Variants in SRPK2 observed in about 807,000 individuals in gnomAD.
SRPK2 encodes SFRS protein kinase 2.
Under a neutral mutation model 90.8 loss-of-function variants are expected in SRPK2, and 21 were observed. The ratio of observed to expected loss-of-function variants is 0.23; its 90% CI spans 0.16 to 0.33. SRPK2 has a LOEUF of 0.33. Ranked by LOEUF, SRPK2 falls within the 10% of genes least tolerant of loss-of-function variation. The pLI is 1.00. For missense variants in SRPK2, 620 were observed against 869.0 expected (o/e 0.71, Z 3.60); for synonymous variants, 288 against 311.1 (o/e 0.93, Z 0.78).
chr7:105,297,504 C>G (rs1809973293), intron 2 of SRPK2: 1 of 985,236 alleles, frequency 1.0e-6, no homozygotes, highest in Admixed American at 6.1e-5. Flanking sequence ...GTATCAACAT[C>G]CTACAGCCCA....
In SRPK2 at chr7:105,116,750, AAAGC is replaced by A. The variant is rs1329648341; in HGVS notation, c.*1084_*1087del. On this transcript the variant is annotated 3_prime_UTR_variant, in exon 16 of 16. Transcript: ENST00000393651. Reference sequence around the variant, plus strand: ...CTTCGTTTCATGGAAAGACAATGAAAAAGCTAGTAAAATTTGTTGTAGCCACACG... The same window carrying A: ...CTTCGTTTCATGGAAAGACAATGAAATAGTAAAATTTGTTGTAGCCACACG... 1 of 152,568 alleles carries A rather than the reference AAAGC, an allele frequency of 6.6e-6. No individual in the cohort carries two copies. The highest frequency in any genetic ancestry group is 1.9e-4 in the East Asian group (1 of 5,206). 9.5% of individuals were successfully genotyped at this position (152,568 alleles called of 1,614,324 possible).
intron 2 of SRPK2, among the ~76,000 whole-genome samples, chr7:105,347,121 A>G (rs79828633): frequency 4.1e-4 from 62 of 150,784 alleles, no homozygotes; most frequent in African/African-American, 1.2e-3. Flanking sequence ...TGCAGTGGGC[A>G]TGATCATGGC....
chr7:105,217,116 C>T (rs751267577), intron 2 of SRPK2, among the ~76,000 whole-genome samples: 1 of 152,180 alleles, frequency 6.6e-6, no homozygotes, highest in Non-Finnish European at 1.5e-5. Context: ...GGAGTTCCTC[C>T]CATTCCTCTC....
intron 2 of SRPK2, among the ~76,000 whole-genome samples, chr7:105,346,215 A>G (rs1302811713): frequency 1.3e-5 from 2 of 152,204 alleles, no homozygotes; most frequent in African/African-American, 4.8e-5. Flanking sequence ...CCTGGAGGTA[A>G]GTATTTCATC....
chr7:105,139,025 C>T (rs931747322), intron 11 of SRPK2, among the ~76,000 whole-genome samples: 5 of 152,136 alleles, frequency 3.3e-5, no homozygotes, highest in Non-Finnish European at 7.4e-5. Context: ...GTTTATTGTA[C>T]TATTCTTTCA....
chr7:105,356,085 G>C (rs1817752604), intron 2 of SRPK2, among the ~76,000 whole-genome samples: 1 of 152,006 alleles, frequency 6.6e-6, no homozygotes, highest in South Asian at 2.1e-4. Flanking sequence ...TCACCATCAG[G>C]ATTGAGTTTC....
intron 7 of SRPK2, among the ~76,000 whole-genome samples, chr7:105,152,031 A>AG (rs1337343583): frequency 6.6e-6 from 1 of 152,084 alleles, no homozygotes; most frequent in East Asian, 1.9e-4. Flanking sequence ...CTCAAAAAAA[A>AG]AAAAAAAAAA....
At chr7:105,375,142 TA>T (rs2132518566) in intron 2 of SRPK2, among the ~76,000 whole-genome samples, 1 of 152,310 alleles carries the variant, frequency 6.6e-6, no homozygotes, top group South Asian at 2.1e-4. Flanking sequence ...TGGCATATAA[TA>T]TTTTTAAAAC....
At chr7:105,199,363 T>G (rs771716876) in intron 3 of SRPK2, among the ~76,000 whole-genome samples, 1 of 152,118 alleles carries the variant, frequency 6.6e-6, no homozygotes, top group African/African-American at 2.4e-5. Flanking sequence ...TCTCCAGGAA[T>G]GAAGTCAATA....
At chr7:105,155,261 C>G (rs1806334666) in intron 7 of SRPK2, among the ~76,000 whole-genome samples, 1 of 151,926 alleles carries the variant, frequency 6.6e-6, no homozygotes, top group East Asian at 1.9e-4. Context: ...GGATTACAGG[C>G]GTGAGCCACT....
intron 2 of SRPK2, among the ~76,000 whole-genome samples, chr7:105,297,891 G>A (rs1205775177): frequency 2.0e-5 from 3 of 151,946 alleles, no homozygotes; most frequent in African/African-American, 4.8e-5. Context: ...ACAGGCATGC[G>A]CCACTATGCC....
At chr7:105,379,384 C>T (rs1251226923) in intron 2 of SRPK2, among the ~76,000 whole-genome samples, 1 of 152,034 alleles carries the variant, frequency 6.6e-6, no homozygotes, top group Non-Finnish European at 1.5e-5. Flanking sequence ...GTGAAGGTTA[C>T]AAGGGACTTG....
chr7:105,259,203 A>C (rs1803823496), intron 2 of SRPK2, among the ~76,000 whole-genome samples: 1 of 152,236 alleles, frequency 6.6e-6, no homozygotes, highest in Non-Finnish European at 1.5e-5. Flanking sequence ...AGGATACAAA[A>C]TCAATGTGCA....
In SRPK2 at chr7:105,223,892, T is replaced by C. The variant is rs1798397344; in HGVS notation, c.72-20107A>G. On this transcript the variant is annotated intron_variant, in intron 2 of 15. Coordinates refer to ENST00000393651, the MANE Select transcript of SRPK2 (RefSeq NM_182692.3). ...AGTTGTGTGTGAACAGATCTGTATA[T>C]GCCTCGAGTTACACAAAATAACATA... 3.3e-5 allele frequency among the ~76,000 whole-genome samples: 5 copies of C among 152,352 alleles called. 1 individual carries two copies. In the South Asian group the frequency reaches 8.3e-4, roughly 25 times the overall value.
intron 2 of SRPK2, among the ~76,000 whole-genome samples, chr7:105,278,647 C>T (rs1276122905): frequency 6.6e-6 from 1 of 151,256 alleles, no homozygotes; most frequent in Non-Finnish European, 1.5e-5. Flanking sequence ...GACTGTACCA[C>T]TGCACACCAG....
chr7:105,245,259 G>A (rs562411328), intron 2 of SRPK2, among the ~76,000 whole-genome samples: 1 of 152,292 alleles, frequency 6.6e-6, no homozygotes, highest in East Asian at 1.9e-4. Flanking sequence ...AGGTCTAGAT[G>A]GTGCTCTAGG....
chr7:105,345,063 G>A (rs1241332849), intron 2 of SRPK2, among the ~76,000 whole-genome samples: 3 of 151,948 alleles, frequency 2.0e-5, no homozygotes, highest in South Asian at 4.2e-4. Flanking sequence ...TTGAAACCAG[G>A]AGGCGGAGGT....
chr7:105,285,571 C>A (rs1482393176), intron 2 of SRPK2, among the ~76,000 whole-genome samples: 1 of 152,060 alleles, frequency 6.6e-6, no homozygotes, highest in Non-Finnish European at 1.5e-5. Flanking sequence ...GAGGTGGGGC[C>A]TGCTGGGAGG....
At chr7:105,168,799 G>T (rs1345363450) in intron 4 of SRPK2, among the ~76,000 whole-genome samples, 1 of 140,008 alleles carries the variant, frequency 7.1e-6, no homozygotes, top group Non-Finnish European at 1.6e-5. Flanking sequence ...TAGCAATGAA[G>T]TTTCTTACTA....
Sources: gnomAD v4.1 joint callset for allele counts (sites outside exome capture counted in the v4.1 genomes callset) on GRCh38, gnomAD v4.1.1 for gene constraint, MANE v1.5 for transcripts, NCBI Gene and HGNC (gene_info 2026-07-23, HGNC 2026-07-21) for gene names.